The following LAMA2 variants were observed in gnomAD, a reference collection of about 807,000 sequenced individuals.
LAMA2 encodes the protein laminin subunit alpha-2.
Under a neutral mutation model 364.8 loss-of-function variants are expected in LAMA2, and 269 were observed. The observed-to-expected ratio is 0.74, with a 90% CI of 0.67 to 0.82. The LOEUF is 0.82. Ranked by LOEUF, LAMA2 falls within the 40% of genes least tolerant of loss-of-function variation. LAMA2 has a pLI of 0.00. For missense variants in LAMA2, 3,807 were observed against 3,873.2 expected, an observed-to-expected ratio of 0.98 and a Z score of 0.45; for synonymous variants, 1,379 against 1,370.6, an observed-to-expected ratio of 1.01 and a Z score of -0.14.
chr6:129,334,618 T>G (rs887379350), intron 29 of LAMA2, among the ~76,000 whole-genome samples: 2 of 152,190 alleles, frequency 1.3e-5, no homozygotes, highest in African/African-American at 4.8e-5. Flanking sequence ...TCAGTCCATT[T>G]CGGATGTTGT....
chr6:129,463,558 A>G (rs1167885517), intron 49 of LAMA2, among the ~76,000 whole-genome samples: 3 of 152,060 alleles, frequency 2.0e-5, no homozygotes, highest in Admixed American at 6.6e-5. Flanking sequence ...ACATAAAAAT[A>G]GCCTCATGTT....
intron 12 of LAMA2, among the ~76,000 whole-genome samples, chr6:129,227,814 C>G (rs1784412217): frequency 6.6e-6 from 1 of 152,160 alleles, no homozygotes; most frequent in Non-Finnish European, 1.5e-5. Context: ...ATTCTCAGAT[C>G]TCAAACTCCA....
chr6:128,949,466 A>G (rs558186873), intron 1 of LAMA2, among the ~76,000 whole-genome samples: 1 of 152,298 alleles, frequency 6.6e-6, no homozygotes, highest in African/African-American at 2.4e-5. Context: ...AAGGGGGAAA[A>G]AAAGAAAATA....
chr6:129,330,636 T>C (rs977101843), intron 29 of LAMA2, among the ~76,000 whole-genome samples: 2 of 147,218 alleles, frequency 1.4e-5, no homozygotes, highest in African/African-American at 5.0e-5. Flanking sequence ...CGTTTCTCTC[T>C]AGTTCACTTC....
At chr6:129,238,123 A>G (rs901297071) in intron 12 of LAMA2, among the ~76,000 whole-genome samples, 5 of 151,998 alleles carry the variant, frequency 3.3e-5, no homozygotes, top group Admixed American at 3.3e-4. Flanking sequence ...CAGTGAGCCA[A>G]GATAGTGCCA....
intron 1 of LAMA2, among the ~76,000 whole-genome samples, chr6:128,948,698 C>T (rs1443512837): frequency 2.0e-5 from 3 of 152,134 alleles, no homozygotes; most frequent in Non-Finnish European, 2.9e-5. Context: ...GGTGTAGCAC[C>T]ATCCCCTTGG....
intron 41 of LAMA2, among the ~76,000 whole-genome samples, chr6:129,432,153 T>C (rs1331575701): frequency 6.6e-6 from 1 of 152,196 alleles, no homozygotes; most frequent in Non-Finnish European, 1.5e-5. Context: ...AAATTAAGCC[T>C]GGGTCCCCTG....
At position 128,884,843 on chromosome 6, in the gene LAMA2, A is replaced by G. The variant is rs139939537; in HGVS notation, c.112+1486A>G. Among the ~76,000 whole-genome samples the G allele has an allele frequency of 3.2e-3, 492 of 152,322 alleles. 5 individuals carry two copies. The highest frequency in any genetic ancestry group is 6.6e-4 in the Non-Finnish European group (45 of 68,010). On this transcript the variant is annotated intron_variant, in intron 1 of 64. Transcript: ENST00000421865. ...AGGCAGCTGGGAGAAATGAGGGGCC[A>G]GGGGCACCAATCCTTATGTCCACTT...
intron 12 of LAMA2, among the ~76,000 whole-genome samples, chr6:129,198,586 G>T (rs919529921): frequency 6.6e-6 from 1 of 152,046 alleles, no homozygotes; most frequent in African/African-American, 2.4e-5. Flanking sequence ...TTTTTTAAAT[G>T]GTTTCAAAGC....
intron 3 of LAMA2, among the ~76,000 whole-genome samples, chr6:129,067,368 A>T (rs984835683): frequency 4.6e-5 from 7 of 152,226 alleles, no homozygotes; most frequent in African/African-American, 1.7e-4. Context: ...TAATTAGAAA[A>T]TATATTTTCC....
chr6:129,442,872 G>T (rs1782187680), intron 43 of LAMA2, 191 bp from the exon 44 acceptor site: 1 of 560,890 alleles, frequency 1.8e-6, no homozygotes, highest in Non-Finnish European at 3.1e-6. Flanking sequence ...ACAAATAGTG[G>T]CCACTAAATT....
intron 17 of LAMA2, among the ~76,000 whole-genome samples, chr6:129,277,158 G>A (rs1788389460): frequency 6.6e-6 from 1 of 152,078 alleles, no homozygotes; most frequent in Non-Finnish European, 1.5e-5. Context: ...AATCCGGGAT[G>A]AAGAACATTT....
chr6:129,136,330 CTT>C (rs1406512181), intron 4 of LAMA2, among the ~76,000 whole-genome samples: 2 of 152,168 alleles, frequency 1.3e-5, no homozygotes, highest in African/African-American at 4.8e-5. Flanking sequence ...ATCATAGAGA[CTT>C]TGATAAAATT....
At chr6:129,102,748 A>G (rs1032667167) in intron 4 of LAMA2, among the ~76,000 whole-genome samples, 1 of 152,182 alleles carries the variant, frequency 6.6e-6, no homozygotes, top group Non-Finnish European at 1.5e-5. Context: ...TTTGAGAGCT[A>G]GTATATTGTC....
intron 54 of LAMA2, among the ~76,000 whole-genome samples, chr6:129,480,357 G>T (rs142332671): frequency 6.6e-6 from 1 of 152,012 alleles, no homozygotes; most frequent in African/African-American, 2.4e-5. Flanking sequence ...AACTACATGG[G>T]CTTGCTTAAA....
rs1776944457 is a variant in LAMA2, at chr6:128,899,329, A to G, written c.112+15972A>G. On this transcript the variant is annotated intron_variant, in intron 1 of 64. Transcript: ENST00000421865. The stretch of plus-strand genomic sequence containing the variant: ...TATAATTAGTTAGAAGACCAATCCA[A>G]TCATATTTCAGATAAACCTCAAGAG... 3.3e-5 allele frequency among the ~76,000 whole-genome samples: 5 copies of G among 152,328 alleles called. 1 individual carries two copies. The South Asian group carries it at 1.0e-3, about 32-fold the overall frequency.
At chr6:129,094,451 T>C (rs965656723) in intron 3 of LAMA2, among the ~76,000 whole-genome samples, 1 of 152,214 alleles carries the variant, frequency 6.6e-6, no homozygotes. Flanking sequence ...GTGGGGTCTC[T>C]AGTAGAACTT....
At chr6:129,135,290 C>T (rs1053128671) in intron 4 of LAMA2, among the ~76,000 whole-genome samples, 2 of 152,154 alleles carry the variant, frequency 1.3e-5, no homozygotes, top group African/African-American at 4.8e-5. Context: ...GGAATAGACT[C>T]TCACTAGTGG....
intron 9 of LAMA2, among the ~76,000 whole-genome samples, chr6:129,166,447 G>A (rs561262307): frequency 1.3e-5 from 2 of 152,214 alleles, no homozygotes; most frequent in South Asian, 2.1e-4. Flanking sequence ...GACCAGCAAT[G>A]TTTCTTAGGT....
Sources: gnomAD v4.1 joint callset for allele counts (sites outside exome capture counted in the v4.1 genomes callset) on GRCh38, gnomAD v4.1.1 for gene constraint, MANE v1.5 for transcripts, NCBI Gene and HGNC (gene_info 2026-07-23, HGNC 2026-07-21) for gene names.